Variants in ITIH5 observed in about 807,000 individuals in gnomAD.
The protein encoded by ITIH5 is inter-alpha-trypsin inhibitor heavy chain 5, also known as inter-alpha-trypsin inhibitor heavy chain H5.
In ITIH5, 65 loss-of-function variants were observed where a neutral mutation model predicts 77.5. The observed-to-expected ratio is 0.84, with a 90% CI of 0.69 to 1.03. ITIH5 has a LOEUF of 1.03. Among genes scored for constraint, ITIH5 ranks in the 50% least tolerant of loss-of-function variants. The probability of loss-of-function intolerance (pLI) is 0.00; values close to 1 mark genes in which losing one functional copy is unlikely to be tolerated. For missense variants in ITIH5, 1,208 were observed against 1,213.1 expected (o/e 1.00, Z 0.06); for synonymous variants, 525 against 494.3 (o/e 1.06, Z -0.82).
rs145178974 is a variant in ITIH5 at position 7,579,235 on chromosome 10, C to A, written c.1418+520G>T. On this transcript the variant is annotated intron_variant, in intron 9 of 13. Transcript: ENST00000397146. ...ACGGAGGTACAGACTGTCTTAAAAT[C>A]TTGCTTAGGGCCGGGTGTGGTGGCT... Among the ~76,000 whole-genome samples, 111 of 152,320 alleles carry A rather than the reference C, an allele frequency of 7.3e-4. 1 individual carries two copies. In the South Asian group the frequency reaches 7.7e-3, roughly 11 times the overall value.
chr10:7,623,575 A>G (rs1001663742), intron 5 of ITIH5, among the ~76,000 whole-genome samples: 12 of 152,124 alleles, frequency 7.9e-5, no homozygotes, highest in Non-Finnish European at 1.3e-4. Context: ...AGGCCAAGGC[A>G]GGCGGATCAC....
chr10:7,581,871 T>G (rs1317757116), intron 8 of ITIH5, among the ~76,000 whole-genome samples: 1 of 7,620 alleles, frequency 1.3e-4, no homozygotes, highest in African/African-American at 6.7e-4. Context: ...CACCCATGTA[T>G]TTTTTTTTTT....
intron 8 of ITIH5, among the ~76,000 whole-genome samples, chr10:7,584,967 A>G (rs187893842): frequency 1.2e-4 from 19 of 152,358 alleles, no homozygotes; most frequent in African/African-American, 3.6e-4. Flanking sequence ...CAAGTTCCAC[A>G]TTAAGTTCAT....
At chr10:7,598,977 T>C (rs560118557) in intron 7 of ITIH5, among the ~76,000 whole-genome samples, 4 of 152,364 alleles carry the variant, frequency 2.6e-5, no homozygotes, top group Non-Finnish European at 5.9e-5. Context: ...CCTCTGCTTA[T>C]GTTAAGATTA....
chr10:7,664,342 G>A (rs1834326094), intron 1 of ITIH5, among the ~76,000 whole-genome samples: 1 of 150,838 alleles, frequency 6.6e-6, no homozygotes, highest in African/African-American at 2.4e-5. Context: ...AGAGGTTGCA[G>A]AGAGCAGAGA....
intron 5 of ITIH5, among the ~76,000 whole-genome samples, chr10:7,636,735 G>T (rs1833803189): frequency 6.6e-6 from 1 of 152,048 alleles, no homozygotes; most frequent in Non-Finnish European, 1.5e-5. Context: ...TCCTGTTACA[G>T]CATGGGCTGT....
intron 2 of ITIH5, among the ~76,000 whole-genome samples, chr10:7,649,099 T>C (rs1834050679): frequency 1.3e-5 from 2 of 152,124 alleles, no homozygotes; most frequent in Non-Finnish European, 2.9e-5. Context: ...CCTGCCCTGG[T>C]AGATTATGGG....
chr10:7,610,801 CAT>C (rs1471618784), intron 7 of ITIH5, among the ~76,000 whole-genome samples: 1 of 152,172 alleles, frequency 6.6e-6, no homozygotes, highest in Admixed American at 6.5e-5. Flanking sequence ...ATTGCTCAGA[CAT>C]GTGTTTGGCT....
Position 7,645,506 on chromosome 10 carries a change from G to A in ITIH5, c.136-3416C>T, listed in dbSNP as rs543532978. ...TCAGGTCATTCTAATGCCTGATCAA[G>A]CTTGAGAATGTCTCTTTTTACTAAT... On this transcript the variant is annotated intron_variant, in intron 2 of 13. Coordinates refer to ENST00000397146, the MANE Select transcript of ITIH5 (RefSeq NM_030569.7). Among the ~76,000 whole-genome samples the A allele has an allele frequency of 1.2e-3, 188 of 152,264 alleles. 3 individuals are homozygous for A. Among genetic ancestry groups the A allele is most frequent in the African/African-American group, 4.4e-3 (183 of 41,550 alleles).
intron 2 of ITIH5, among the ~76,000 whole-genome samples, chr10:7,642,915 T>A (rs944859970): frequency 6.6e-6 from 1 of 152,186 alleles, no homozygotes; most frequent in Non-Finnish European, 1.5e-5. Flanking sequence ...TTAACAAGCA[T>A]GTTATGGGCT....
At chr10:7,597,520 GA>G (rs1297097230) in intron 7 of ITIH5, among the ~76,000 whole-genome samples, 2 of 151,758 alleles carry the variant, frequency 1.3e-5, no homozygotes, top group Non-Finnish European at 2.9e-5. Context: ...GTACCCCATA[GA>G]CACCCATACA....
intron 7 of ITIH5, among the ~76,000 whole-genome samples, chr10:7,587,432 C>T (rs936441646): frequency 3.3e-5 from 5 of 152,168 alleles, no homozygotes; most frequent in Non-Finnish European, 5.9e-5. Context: ...AAAGGACATC[C>T]GGCACCTTTA....
Position 7,576,524 on chromosome 10 carries a change from G to T in ITIH5, c.1907C>A (p.Ala636Asp). The T allele has an allele frequency of 6.2e-7, 1 of 1,612,436 alleles. No individual in the cohort carries two copies. Residue 636 changes from alanine to aspartate, a missense_variant, in exon 10 of 14, where the codon GCC (alanine) becomes GAC (aspartate). Transcript: ENST00000397146. ...PVPRMDGLEE[A>D]HGMSAAMGPE... The stretch of plus-strand genomic sequence containing the variant: ...TCCCATGGCAGCCGACATGCCGTGG[G>T]CCTCCTCCAGGCCATCCATGCGTGG...
intron 1 of ITIH5, among the ~76,000 whole-genome samples, chr10:7,659,209 T>C (rs1834236952): frequency 6.6e-6 from 1 of 151,976 alleles, no homozygotes; most frequent in African/African-American, 2.4e-5. Flanking sequence ...AAACCTCATC[T>C]CTGTTTTAAA....
chr10:7,589,743 C>G (rs547627420), intron 7 of ITIH5, among the ~76,000 whole-genome samples: 1 of 151,964 alleles, frequency 6.6e-6, no homozygotes, highest in African/African-American at 2.4e-5. Context: ...GCTCCCACCC[C>G]CAGGAAATAC....
In ITIH5 at chr10:7,614,867, G is replaced by C. The variant is rs562002253; in HGVS notation, c.939+1115C>G. On this transcript the variant is annotated intron_variant, in intron 7 of 13. Coordinates refer to ENST00000397146, the MANE Select transcript of ITIH5 (RefSeq NM_030569.7). Reference sequence around the variant, plus strand: ...AACTGCGTGTGAGGCAGGACCTGGAGGTGGACGCAGGTTGGACAGAGAGTT... The same window carrying C: ...AACTGCGTGTGAGGCAGGACCTGGACGTGGACGCAGGTTGGACAGAGAGTT... Among the ~76,000 whole-genome samples, 24 of 152,284 alleles carry C rather than the reference G, an allele frequency of 1.6e-4. No individual in the cohort carries two copies. The South Asian group carries it at 1.9e-3, about 12-fold the overall frequency.
At position 7,566,406 on chromosome 10, in the gene ITIH5, A is replaced by T; in HGVS notation, c.2151T>A (p.Gly717=). 1 of 1,592,656 alleles carries T rather than the reference A, an allele frequency of 6.3e-7. No homozygotes were observed. Among genetic ancestry groups the T allele is most frequent in the South Asian group, 1.1e-5 (1 of 89,440 alleles). ...CAATTAACTCTCCGTTCACTGTGAC[A>T]CCTCAAAGGCCAAGGGGAAAAGAAG... The part of the protein sequence containing the change: ...LRLVSDHRDS[G]VTVNGELIGA... The change falls in exon 13 of 14, where the codon GGT becomes GGA. Residue 717 remains glycine, a splice_region_variant and synonymous_variant. Coordinates refer to ENST00000397146, the MANE Select transcript of ITIH5 (RefSeq NM_030569.7).
rs1254046871 is a variant in ITIH5, at chr10:7,566,778, AAAGAAGAAAGAAG to A, written c.2150-384_2150-372del. ...AGAAGAAGAAGAAAGAAGAAAGAAG[AAAGAAGAAAGAAG>A]AAGAAGAAGAGGAAGAGGAAGAGGA... On this transcript the variant is annotated intron_variant, in intron 12 of 13. Coordinates refer to ENST00000397146, the MANE Select transcript of ITIH5 (RefSeq NM_030569.7). Among the ~76,000 whole-genome samples the A allele has an allele frequency of 2.1e-4, 5 of 24,386 alleles. 1 individual carries two copies. The highest frequency in any genetic ancestry group is 1.9e-3 in the East Asian group (1 of 518). 16.0% of individuals were successfully genotyped at this position (24,386 alleles called of 152,430 possible). A position where few individuals can be genotyped will look rare whatever the true frequency, so the allele number is the denominator to read the frequency against.
chr10:7,605,563 T>G (rs1395022457), intron 7 of ITIH5, among the ~76,000 whole-genome samples: 1 of 150,924 alleles, frequency 6.6e-6, no homozygotes, highest in Non-Finnish European at 1.5e-5. Flanking sequence ...TAACCCATAA[T>G]TGTTTCATGT....
Sources: allele counts gnomAD v4.1 joint callset (sites outside exome capture counted in the v4.1 genomes callset), GRCh38; gene constraint gnomAD v4.1.1; transcripts MANE v1.5; gene names NCBI Gene and HGNC (gene_info 2026-07-23, HGNC 2026-07-21).